The following PACS2 variants were observed in gnomAD, a reference collection of about 807,000 sequenced individuals.
PACS2 encodes phosphofurin acidic cluster sorting protein 2.
Under a neutral mutation model 113.0 loss-of-function variants are expected in PACS2, and 36 were observed. That is an observed-to-expected ratio of 0.32 (90% confidence interval 0.24 to 0.42). The LOEUF (loss-of-function observed/expected upper bound fraction) is 0.42. Among genes scored for constraint, PACS2 ranks in the 10% least tolerant of loss-of-function variants. The pLI is 1.00. For synonymous variants in PACS2, 589 were observed against 536.1 expected (o/e 1.10, Z -1.36); for missense variants, 1,015 against 1,239.5 (o/e 0.82, Z 2.72).
Position 105,353,398 on chromosome 14 carries a change from G to T in PACS2, c.297+931G>T, listed in dbSNP as rs186215140. Among the ~76,000 whole-genome samples the T allele has an allele frequency of 4.1e-5, 6 of 145,652 alleles. No homozygotes were observed. The East Asian group carries it at 1.3e-3, about 31-fold the overall frequency. On this transcript the variant is annotated intron_variant, in intron 3 of 24. Coordinates refer to ENST00000447393, the MANE Select transcript of PACS2 (RefSeq NM_001100913.3). ...GGCCCCCCCTCATCACTGTCCCCTG[G>T]GGTGACGGCCCCCCCTCATCACTGT...
upstream of PACS2, chr14:105,314,736 G>C (rs1378545244): frequency 6.9e-6 from 1 of 145,274 alleles, no homozygotes; most frequent in Non-Finnish European, 1.5e-5. Flanking sequence ...GGCGGGGCGG[G>C]GCGGAGCGGC....
intron 2 of PACS2, among the ~76,000 whole-genome samples, chr14:105,351,175 C>T (rs1241451015): frequency 5.3e-5 from 8 of 152,362 alleles, no homozygotes; most frequent in Admixed American, 4.6e-4. Context: ...GACCCCGCAG[C>T]GGCTGCTTGT....
chr14:105,345,082 C>T (rs963019341), intron 1 of PACS2, among the ~76,000 whole-genome samples: 2 of 150,992 alleles, frequency 1.3e-5, no homozygotes, highest in African/African-American at 2.4e-5. Flanking sequence ...GCACTCCAGC[C>T]TGGGCAACAC....
chr14:105,340,655 G>T lies in PACS2; in HGVS notation c.120-7838G>T, dbSNP rs1261827924. Among the ~76,000 whole-genome samples, 2 of 152,202 alleles carry T rather than the reference G, an allele frequency of 1.3e-5. No homozygotes were observed. The highest frequency in any genetic ancestry group is 4.8e-5 in the African/African-American group (2 of 41,460). On this transcript the variant is annotated intron_variant, in intron 1 of 24. Transcript: ENST00000447393. The surrounding 1 kb of genome is among the most constrained non-coding windows in gnomAD (Gnocchi z 4.2). ...AACAGGCCAGGAACCTGTCCTGGGGGTTGGGGACCTCTGGTCTACAGCACA... is the reference window on the plus strand; with the variant it reads ...AACAGGCCAGGAACCTGTCCTGGGGTTTGGGGACCTCTGGTCTACAGCACA...
chr14:105,395,842 C>G lies in PACS2; in HGVS notation c.*1170C>G, dbSNP rs1442304061. The G allele has an allele frequency of 4.6e-5, 7 of 152,464 alleles. No homozygotes were observed. 9.4% of individuals were successfully genotyped at this position (152,464 alleles called of 1,614,324 possible). Reference sequence around the variant, plus strand: ...CCCTGACCACACCTGCCCCCTCAGTCCTGCTTCTCCCCAGTAAGCCTGCAC... The same window carrying G: ...CCCTGACCACACCTGCCCCCTCAGTGCTGCTTCTCCCCAGTAAGCCTGCAC... On this transcript the variant is annotated 3_prime_UTR_variant, in exon 25 of 25. Coordinates refer to ENST00000447393, the MANE Select transcript of PACS2 (RefSeq NM_001100913.3).
In PACS2 at chr14:105,367,210, C is replaced by T. The variant is rs2060972055; in HGVS notation, c.424-3C>T. On this transcript the variant is annotated splice_polypyrimidine_tract_variant and splice_region_variant and intron_variant, in intron 4 of 24. Coordinates refer to ENST00000447393, the MANE Select transcript of PACS2 (RefSeq NM_001100913.3). Reference sequence around the variant, plus strand: ...TTTCTAGAACCGTGCCCCTGGCCTGCAGGTGATGCAACACCCGTCTGAAGG... The same window carrying T: ...TTTCTAGAACCGTGCCCCTGGCCTGTAGGTGATGCAACACCCGTCTGAAGG... 1 of 1,612,366 alleles carries T rather than the reference C, an allele frequency of 6.2e-7. No homozygotes were observed. The highest frequency in any genetic ancestry group is 1.7e-5 in the Admixed American group (1 of 60,002).
At chr14:105,367,172 C>T (rs1555408117) in intron 4 of PACS2, 41 bp from the exon 5 acceptor site, 2 of 1,590,460 alleles carry the variant, frequency 1.3e-6, no homozygotes, top group Non-Finnish European at 1.7e-6. Flanking sequence ...GGGGCTCCTT[C>T]CCGTCGTGCT....
At chr14:105,343,707 T>C (rs2059817850) in intron 1 of PACS2, among the ~76,000 whole-genome samples, 1 of 151,914 alleles carries the variant, frequency 6.6e-6, no homozygotes, top group Non-Finnish European at 1.5e-5. Context: ...CACTTTTTTT[T>C]TTTTTTGAGA....
At chr14:105,383,055 C>T in intron 15 of PACS2, 142 bp downstream of exon 15, 2 of 635,590 alleles carry the variant, frequency 3.1e-6, no homozygotes, top group Non-Finnish European at 5.6e-6. Flanking sequence ...CCCATGCGCT[C>T]TTCGCAGCCT....
At chr14:105,304,444 C>T (rs1362745939) in intron 1 of PACS2, among the ~76,000 whole-genome samples, 5 of 151,982 alleles carry the variant, frequency 3.3e-5, no homozygotes, top group South Asian at 4.1e-4. Flanking sequence ...GGCGAGATGG[C>T]GTCATTGCAC....
intron 1 of PACS2, among the ~76,000 whole-genome samples, chr14:105,337,241 C>T (rs115236875): frequency 0.023 from 3,525 of 152,178 alleles, 153 homozygotes; most frequent in African/African-American, 0.079. Context: ...TTCATAGGGA[C>T]GGAGGTAGGA....
Position 105,356,862 on chromosome 14 carries a change from A to G in PACS2, c.423+1685A>G, listed in dbSNP as rs921351250. On this transcript the variant is annotated intron_variant, in intron 4 of 24. Coordinates refer to ENST00000447393, the MANE Select transcript of PACS2 (RefSeq NM_001100913.3). The surrounding 1 kb of genome is among the most constrained non-coding windows in gnomAD (Gnocchi z 4.0). ...ATCCCTGCCGGTCCCTGTGTTTCCC[A>G]TTAGCCATTCAGGCGATGTCCTGCT... Among the ~76,000 whole-genome samples, 1 of 131,568 alleles carries G rather than the reference A, an allele frequency of 7.6e-6. No individual in the cohort carries two copies. Among genetic ancestry groups the G allele is most frequent in the African/African-American group, 3.4e-5 (1 of 29,562 alleles). 86.3% of individuals were successfully genotyped at this position (131,568 alleles called of 152,430 possible).
chr14:105,344,147 G>A (rs587737809), intron 1 of PACS2, among the ~76,000 whole-genome samples: 1 of 151,380 alleles, frequency 6.6e-6, no homozygotes, highest in South Asian at 2.1e-4. Context: ...AAACTCCTGG[G>A]CTCAAGTGAT....
intron 1 of PACS2, among the ~76,000 whole-genome samples, chr14:105,308,828 A>C (rs951942526): frequency 6.6e-6 from 1 of 151,720 alleles, no homozygotes; most frequent in Admixed American, 6.6e-5. Context: ...ACCCTTAGGG[A>C]CCCAGCACAG....
chr14:105,361,734 G>A (rs2060690272), intron 4 of PACS2, among the ~76,000 whole-genome samples: 1 of 152,178 alleles, frequency 6.6e-6, no homozygotes, highest in Non-Finnish European at 1.5e-5. Context: ...CAGGTCACCT[G>A]AGGTCGGGAG....
chr14:105,375,633 A>C lies in PACS2; in HGVS notation c.802-1135A>C, dbSNP rs898389278. 2.0e-5 allele frequency among the ~76,000 whole-genome samples: 3 copies of C among 152,242 alleles called. No individual in the cohort carries two copies. The East Asian group carries it at 5.8e-4, about 29-fold the overall frequency. On this transcript the variant is annotated intron_variant, in intron 8 of 24. Coordinates refer to ENST00000447393, the MANE Select transcript of PACS2 (RefSeq NM_001100913.3). ...CACAATGAGACACTACTTGATCCCC[A>C]CTAGGATGGCTGGAACAAATGAAAT...
rs1260970211 is a variant in PACS2 at position 105,324,570 on chromosome 14, T to G, written c.119+9533T>G. Among the ~76,000 whole-genome samples the G allele has an allele frequency of 1.3e-5, 2 of 152,154 alleles. No individual in the cohort carries two copies. The highest frequency in any genetic ancestry group is 2.9e-5 in the Non-Finnish European group (2 of 68,014). On this transcript the variant is annotated intron_variant, in intron 1 of 24. Coordinates refer to ENST00000447393, the MANE Select transcript of PACS2 (RefSeq NM_001100913.3). This position sits in a 1 kb window ranked among gnomAD's most constrained non-coding sequence, Gnocchi z 4.7. ...TAGCCGAGCGCTGAGAGGCCGTCCC[T>G]TTCTGCTCCGCAGGCGCGCGCCGAT...
intron 24 of PACS2, chr14:105,393,593 G>GTTTTT: frequency 3.2e-6 from 1 of 309,154 alleles, no homozygotes; most frequent in South Asian, 4.6e-5. Context: ...TTTTGTTTTG[G>GTTTTT]TTTTTTTTTT....
In PACS2 at chr14:105,367,289, C is replaced by T; in HGVS notation, c.500C>T (p.Ala167Val). 3 of 1,613,230 alleles carry T rather than the reference C, an allele frequency of 1.9e-6. No individual in the cohort carries two copies. The highest frequency in any genetic ancestry group is 2.5e-6 in the Non-Finnish European group (3 of 1,179,972). The change falls in exon 5 of 25, where the codon GCC (alanine) becomes GTC (valine). Residue 167 changes from alanine to valine, a missense_variant. Ala to Val is a moderately conservative substitution (Grantham distance 64). Transcript: ENST00000447393. ...ATCAAGGAGGCCCCCGTCAAGGCGG[C>T]CGAGATCTGGATCGCCTCCCTGTCC... ...SSIKEAPVKAAEIWIASLSSQ... is the reference protein window; with the variant it reads ...SSIKEAPVKAVEIWIASLSSQ...
Sources: gnomAD v4.1 joint callset for allele counts (sites outside exome capture counted in the v4.1 genomes callset) on GRCh38, gnomAD v4.1.1 for gene constraint, Gnocchi (gnomAD v3.1) non-coding constraint, MANE v1.5 for transcripts, NCBI Gene and HGNC (gene_info 2026-07-23, HGNC 2026-07-21) for gene names.